GALNT17: variants seen among roughly 807,000 people sequenced by gnomAD.
GALNT17 encodes UDP-GalNAc:polypeptide N-acetylgalactosaminyltransferase-like 3.
GALNT17 carries 29 observed loss-of-function variants against 63.7 expected under a neutral mutation model. The ratio of observed to expected loss-of-function variants is 0.46; its 90% CI spans 0.34 to 0.62. The LOEUF (loss-of-function observed/expected upper bound fraction) is 0.62, where lower values mean the gene tolerates loss of function less well. Among genes scored for constraint, GALNT17 ranks in the 20% least tolerant of loss-of-function variants. The pLI is 0.01. For missense variants in GALNT17, 603 were observed against 799.6 expected (o/e 0.75, Z 2.97); for synonymous variants, 305 against 318.3 (o/e 0.96, Z 0.45).
chr7:71,185,149 C>T (rs1199267958), intron 1 of GALNT17, among the ~76,000 whole-genome samples: 1 of 147,768 alleles, frequency 6.8e-6, no homozygotes, highest in Non-Finnish European at 1.5e-5. Context: ...CCTCCCGTCC[C>T]CTCCCCTTCC....
At chr7:71,232,442 G>A (rs1486650881) in intron 1 of GALNT17, among the ~76,000 whole-genome samples, 1 of 152,064 alleles carries the variant, frequency 6.6e-6, no homozygotes, top group African/African-American at 2.4e-5. Context: ...AAAGCAGTGG[G>A]GAGTAGGGGG....
rs1962622 is a variant in GALNT17 at position 71,181,970 on chromosome 7, G to A, written c.238+48930G>A. Reference sequence around the variant, plus strand: ...GCGGGCGGATCACCGGAGGTTGGGCGTTCAAGACCAGCCTGACCAATATGG... The same window carrying A: ...GCGGGCGGATCACCGGAGGTTGGGCATTCAAGACCAGCCTGACCAATATGG... On this transcript the variant is annotated intron_variant, in intron 1 of 10. Transcript: ENST00000333538. 1.1e-3 allele frequency among the ~76,000 whole-genome samples: 163 copies of A among 152,254 alleles called. 2 individuals are homozygous for A. In the East Asian group the frequency reaches 0.028, roughly 26 times the overall value.
intron 3 of GALNT17, among the ~76,000 whole-genome samples, chr7:71,395,100 TCAAAAAAA>T (rs1349055632): frequency 6.6e-6 from 1 of 151,964 alleles, no homozygotes; most frequent in Non-Finnish European, 1.5e-5. Flanking sequence ...AGAGTCTGTC[TCAAAAAAA>T]CAAAAAATAA....
In GALNT17 at chr7:71,132,787, C is replaced by A; in HGVS notation, c.-16C>A. The A allele has an allele frequency of 6.3e-7, 1 of 1,579,070 alleles. No homozygotes were observed. On this transcript the variant is annotated 5_prime_UTR_variant, in exon 1 of 11. Transcript: ENST00000333538. ...AGGGGGCGCAGGTCCGGGGCGAGGG[C>A]CGGCCGGGCTGTTTGATGGCTTCAC...
intron 5 of GALNT17, among the ~76,000 whole-genome samples, chr7:71,424,316 CACACTGAT>C (rs1426369511): frequency 3.9e-5 from 6 of 152,184 alleles, no homozygotes; most frequent in Non-Finnish European, 8.8e-5. Context: ...CCCAAGTCTT[CACACTGAT>C]ACACGGGAGA....
chr7:71,366,449 C>T (rs188361738), intron 2 of GALNT17, among the ~76,000 whole-genome samples: 36 of 152,158 alleles, frequency 2.4e-4, no homozygotes, highest in South Asian at 8.3e-4. Context: ...GGCATGGTGG[C>T]GGGCGCCTGT....
chr7:71,199,667 TTCCACCCA>T lies in GALNT17; in HGVS notation c.238+66632_238+66639del, dbSNP rs1362236739. On this transcript the variant is annotated intron_variant, in intron 1 of 10. Coordinates refer to ENST00000333538, the MANE Select transcript of GALNT17 (RefSeq NM_022479.3). ...GACCCACCCATCCATCTGTCCATCC[TTCCACCCA>T]TCCATCCATCCATCCATCCATCCAT... 2.2e-4 allele frequency among the ~76,000 whole-genome samples: 13 copies of T among 60,362 alleles called. No individual in the cohort carries two copies. The East Asian group carries it at 3.6e-3, about 17-fold the overall frequency. 39.6% of individuals were successfully genotyped at this position (60,362 alleles called of 152,430 possible).
chr7:71,686,297 C>T (rs1027591371), intron 9 of GALNT17, among the ~76,000 whole-genome samples: 1 of 151,994 alleles, frequency 6.6e-6, no homozygotes, highest in Non-Finnish European at 1.5e-5. Flanking sequence ...TTTTAGCAAG[C>T]ACATGTGATC....
intron 5 of GALNT17, among the ~76,000 whole-genome samples, chr7:71,467,052 G>T (rs560725186): frequency 6.6e-6 from 1 of 152,092 alleles, no homozygotes; most frequent in Non-Finnish European, 1.5e-5. Flanking sequence ...GGTAATTTTT[G>T]ATTTACGATT....
intron 9 of GALNT17, among the ~76,000 whole-genome samples, chr7:71,698,932 G>T (rs1791584717): frequency 6.6e-6 from 1 of 151,998 alleles, no homozygotes; most frequent in Non-Finnish European, 1.5e-5. Context: ...AGCACTTTGA[G>T]AGGCCGAGGG....
chr7:71,282,112 A>G (rs973587323), intron 1 of GALNT17, among the ~76,000 whole-genome samples: 6 of 152,196 alleles, frequency 3.9e-5, no homozygotes, highest in African/African-American at 1.4e-4. Flanking sequence ...AAATCCTACA[A>G]GCATCCACAT....
Position 71,372,162 on chromosome 7 carries a change from A to AT in GALNT17, c.423-16066dup, listed in dbSNP as rs1020712917. 1.6e-3 allele frequency among the ~76,000 whole-genome samples: 235 copies of AT among 151,428 alleles called. 1 individual carries two copies. The highest frequency in any genetic ancestry group is 5.5e-3 in the African/African-American group (228 of 41,282). On this transcript the variant is annotated intron_variant, in intron 2 of 10. Coordinates refer to ENST00000333538, the MANE Select transcript of GALNT17 (RefSeq NM_022479.3). The stretch of plus-strand genomic sequence containing the variant: ...TGCCCACCTAATTATATTCTTTTCT[A>AT]TTTTTTTATTTTTTGAGATGGAGTC...
At chr7:71,144,766 CTT>C (rs1481258711) in intron 1 of GALNT17, among the ~76,000 whole-genome samples, 5 of 152,012 alleles carry the variant, frequency 3.3e-5, no homozygotes, top group African/African-American at 1.2e-4. Flanking sequence ...GTCTCTCTCT[CTT>C]TCACAGGCTG....
chr7:71,146,107 C>T (rs1022560350), intron 1 of GALNT17, among the ~76,000 whole-genome samples: 5 of 152,082 alleles, frequency 3.3e-5, no homozygotes, highest in African/African-American at 4.8e-5. Context: ...AGGGATCCTT[C>T]GGGAGGCGGT....
intron 1 of GALNT17, among the ~76,000 whole-genome samples, chr7:71,231,470 T>C (rs1789787312): frequency 6.6e-6 from 1 of 152,106 alleles, no homozygotes; most frequent in Admixed American, 6.5e-5. Context: ...AGAGGGTGGA[T>C]GGAAAGATGG....
At chr7:71,679,321 C>A (rs890312756) in intron 9 of GALNT17, among the ~76,000 whole-genome samples, 5 of 152,070 alleles carry the variant, frequency 3.3e-5, no homozygotes, top group African/African-American at 7.2e-5. Flanking sequence ...TCACTTGAAC[C>A]CAGGACTTCA....
intron 5 of GALNT17, among the ~76,000 whole-genome samples, chr7:71,423,171 G>A (rs757417257): frequency 5.9e-5 from 9 of 152,182 alleles, no homozygotes; most frequent in Non-Finnish European, 1.3e-4. Flanking sequence ...TTTTCAGTGC[G>A]AAAACAGAAA....
chr7:71,589,439 G>A (rs1290239266), intron 6 of GALNT17, among the ~76,000 whole-genome samples: 6 of 152,058 alleles, frequency 3.9e-5, no homozygotes, highest in African/African-American at 1.4e-4. Context: ...AGGCATGGTG[G>A]TGTGCCCTTG....
intron 2 of GALNT17, among the ~76,000 whole-genome samples, chr7:71,361,230 A>G (rs1372720594): frequency 6.6e-6 from 1 of 152,178 alleles, no homozygotes; most frequent in Non-Finnish European, 1.5e-5. Context: ...TCATGGGCAT[A>G]AGAAACACCT....
Sources: allele counts gnomAD v4.1 joint callset (sites outside exome capture counted in the v4.1 genomes callset), GRCh38; gene constraint gnomAD v4.1.1; transcripts MANE v1.5; gene names NCBI Gene and HGNC (gene_info 2026-07-23, HGNC 2026-07-21).